SNTG1: variants seen among roughly 807,000 people sequenced by gnomAD.
The protein encoded by SNTG1 is gamma-1-syntrophin.
SNTG1 carries 39 observed loss-of-function variants against 74.7 expected under a neutral mutation model. The observed-to-expected ratio is 0.52, with a 90% CI of 0.40 to 0.68. SNTG1 has a LOEUF of 0.68. SNTG1 is among the 30% of genes least tolerant of loss of function. The pLI is 0.00. For synonymous variants in SNTG1, 254 were observed against 217.1 expected, an observed-to-expected ratio of 1.17 and a Z score of -1.49; for missense variants, 685 against 609.5, an observed-to-expected ratio of 1.12 and a Z score of -1.30.
At chr8:50,318,140 A>G (rs1563889329) in intron 2 of SNTG1, among the ~76,000 whole-genome samples, 1 of 151,970 alleles carries the variant, frequency 6.6e-6, no homozygotes, top group Admixed American at 6.6e-5. Flanking sequence ...CCAGCCACTT[A>G]TTGTCTGAGT....
chr8:50,590,502 T>C (rs796276208), intron 12 of SNTG1, among the ~76,000 whole-genome samples: 11 of 152,240 alleles, frequency 7.2e-5, no homozygotes, highest in African/African-American at 2.4e-4. Flanking sequence ...CCCTGTTCTC[T>C]TGAGTGCTAA....
At chr8:50,252,814 T>A (rs546325618) in intron 2 of SNTG1, among the ~76,000 whole-genome samples, 1 of 152,256 alleles carries the variant, frequency 6.6e-6, no homozygotes, top group South Asian at 2.1e-4. Context: ...ACGTCCAACA[T>A]TGACAGTCAC....
intron 1 of SNTG1, among the ~76,000 whole-genome samples, chr8:50,048,003 T>C (rs1372408812): frequency 6.6e-6 from 1 of 152,150 alleles, no homozygotes; most frequent in African/African-American, 2.4e-5. Flanking sequence ...AGAGGGCATA[T>C]GGAATGGACT....
At chr8:50,632,450 A>G (rs1341821558) in intron 13 of SNTG1, among the ~76,000 whole-genome samples, 2 of 152,092 alleles carry the variant, frequency 1.3e-5, no homozygotes, top group Non-Finnish European at 2.9e-5. Flanking sequence ...AGTTGGGACC[A>G]CAGGCATGCA....
chr8:50,512,055 G>A (rs1332273653), intron 9 of SNTG1, among the ~76,000 whole-genome samples: 1 of 152,022 alleles, frequency 6.6e-6, no homozygotes, highest in African/African-American at 2.4e-5. Flanking sequence ...GGCTGGTACT[G>A]GTTTTTCCTT....
At chr8:49,990,516 C>T (rs1813578205) in intron 1 of SNTG1, among the ~76,000 whole-genome samples, 1 of 151,998 alleles carries the variant, frequency 6.6e-6, no homozygotes, top group Admixed American at 6.6e-5. Context: ...CAATTTCTTA[C>T]TTCTTGTATA....
rs759946119 is a variant in SNTG1 at position 50,450,703 on chromosome 8, G to A, written c.337G>A (p.Val113Met). Residue 113 changes from valine to methionine, a missense_variant, in exon 8 of 19, where the codon GTG becomes ATG. Transcript: ENST00000642720. Reference sequence around the variant, plus strand: ...TTCATTGCAGATAAATGGCATTAATGTGAGAAAATGTAGACATGAAGAAGT... The same window carrying A: ...TTCATTGCAGATAAATGGCATTAATATGAGAAAATGTAGACATGAAGAAGT... The part of the protein sequence containing the change: ...DAILQINGIN[V>M]RKCRHEEVVQ... The A allele has an allele frequency of 3.1e-6, 5 of 1,613,166 alleles. No homozygotes were observed. Among genetic ancestry groups the A allele is most frequent in the Admixed American group, 1.7e-5 (1 of 59,976 alleles).
chr8:50,042,329 G>T (rs985201957), intron 1 of SNTG1, among the ~76,000 whole-genome samples: 1 of 152,102 alleles, frequency 6.6e-6, no homozygotes, highest in African/African-American at 2.4e-5. Flanking sequence ...ATGTGTTGTA[G>T]GTCCTACCCC....
intron 1 of SNTG1, among the ~76,000 whole-genome samples, chr8:50,050,479 G>A (rs1819474142): frequency 1.3e-5 from 2 of 151,900 alleles, no homozygotes; most frequent in Admixed American, 6.6e-5. Context: ...AAAACAAAAA[G>A]CACCAGGCTA....
At chr8:50,515,132 G>T (rs1186836819) in intron 9 of SNTG1, among the ~76,000 whole-genome samples, 1 of 152,010 alleles carries the variant, frequency 6.6e-6, no homozygotes, top group African/African-American at 2.4e-5. Flanking sequence ...GTCTGTAGTT[G>T]ACAGCATACA....
At chr8:50,001,611 T>C (rs1814745333) in intron 1 of SNTG1, among the ~76,000 whole-genome samples, 1 of 152,194 alleles carries the variant, frequency 6.6e-6, no homozygotes, top group Non-Finnish European at 1.5e-5. Flanking sequence ...CTCCTCTGTA[T>C]ACATCAGACT....
At chr8:49,954,490 T>C (rs1809988775) in intron 1 of SNTG1, among the ~76,000 whole-genome samples, 1 of 152,226 alleles carries the variant, frequency 6.6e-6, no homozygotes, top group African/African-American at 2.4e-5. Flanking sequence ...TGGCAATTTT[T>C]CACCAAGAAA....
chr8:50,388,709 C>G (rs1587431106), intron 2 of SNTG1, among the ~76,000 whole-genome samples: 1 of 152,322 alleles, frequency 6.6e-6, no homozygotes, highest in East Asian at 1.9e-4. Flanking sequence ...AGAGGAAACT[C>G]ATGCTTGCTT....
chr8:50,640,609 G>A (rs552323497), intron 13 of SNTG1, among the ~76,000 whole-genome samples: 1 of 152,154 alleles, frequency 6.6e-6, no homozygotes, highest in South Asian at 2.1e-4. Context: ...TACCCATCCT[G>A]GTAATGATTC....
intron 2 of SNTG1, among the ~76,000 whole-genome samples, chr8:50,221,512 TACACACACACACACAC>T (rs71550218): frequency 1.3e-4 from 17 of 130,110 alleles, no homozygotes; most frequent in Non-Finnish European, 2.4e-4. Flanking sequence ...AACACACACA[TACACACACACACACAC>T]ACACACACAC....
At chr8:50,761,118 C>T (rs1454771742) in intron 18 of SNTG1, among the ~76,000 whole-genome samples, 1 of 151,946 alleles carries the variant, frequency 6.6e-6, no homozygotes, top group African/African-American at 2.4e-5. Flanking sequence ...ATGCGAAAAT[C>T]CTCAGTAAGA....
intron 17 of SNTG1, among the ~76,000 whole-genome samples, chr8:50,720,310 C>T (rs912294928): frequency 3.3e-5 from 4 of 122,386 alleles, no homozygotes; most frequent in African/African-American, 1.0e-4. Context: ...AAAGGTGTTC[C>T]CTCTTTTCCA....
At chr8:50,520,872 C>A (rs1027763055) in intron 9 of SNTG1, among the ~76,000 whole-genome samples, 2 of 152,102 alleles carry the variant, frequency 1.3e-5, no homozygotes, top group African/African-American at 4.8e-5. Context: ...GGCAATTCCT[C>A]AAGGATCTAG....
At chr8:50,077,995 T>C (rs748250710) in intron 1 of SNTG1, among the ~76,000 whole-genome samples, 34 of 152,174 alleles carry the variant, frequency 2.2e-4, no homozygotes, top group Non-Finnish European at 4.4e-4. Context: ...TGTAATTACA[T>C]CTATATGTAC....
Sources: gnomAD v4.1 joint callset for allele counts (sites outside exome capture counted in the v4.1 genomes callset) on GRCh38, gnomAD v4.1.1 for gene constraint, MANE v1.5 for transcripts, NCBI Gene and HGNC (gene_info 2026-07-23, HGNC 2026-07-21) for gene names.